The following IL1RAPL2 variants were observed in gnomAD, a reference collection of about 807,000 sequenced individuals.
IL1RAPL2 encodes the protein interleukin 1 receptor accessory protein like 2, also known as X-linked interleukin-1 receptor accessory protein-like 2.
A neutral mutation model predicts 44.1 loss-of-function variants in IL1RAPL2; 3 were observed. The observed-to-expected ratio is 0.07, with a 90% CI of 0.03 to 0.18. The LOEUF (loss-of-function observed/expected upper bound fraction) is 0.18, where lower values mean the gene tolerates loss of function less well. Among genes scored for constraint, IL1RAPL2 ranks in the 10% least tolerant of loss-of-function variants. The pLI is 1.00. For missense variants in IL1RAPL2, 391 were observed against 496.4 expected, an observed-to-expected ratio of 0.79 and a Z score of 2.02; for synonymous variants, 181 against 178.8, an observed-to-expected ratio of 1.01 and a Z score of -0.10.
chrX:105,411,874 A>C (rs1474625657), intron 5 of IL1RAPL2, among the ~76,000 whole-genome samples: 1 of 112,200 alleles, frequency 8.9e-6, no homozygotes, highest in East Asian at 2.8e-4. Context: ...TTTCACATGG[A>C]ACATCCTCCA....
intron 2 of IL1RAPL2, among the ~76,000 whole-genome samples, chrX:105,119,800 G>A (rs140883385): frequency 0.047 from 5,237 of 110,831 alleles, 127 homozygotes; most frequent in Non-Finnish European, 0.069. Flanking sequence ...ACTGTGAAAT[G>A]ACTAATGTAT....
chrX:105,246,056 G>C (rs1156409785), intron 4 of IL1RAPL2, among the ~76,000 whole-genome samples: 1 of 112,233 alleles, frequency 8.9e-6, no homozygotes, highest in Non-Finnish European at 1.9e-5. Flanking sequence ...ATACTGAACT[G>C]ACCAAAATAA....
intron 6 of IL1RAPL2, among the ~76,000 whole-genome samples, chrX:105,590,935 G>C (rs1229630328): frequency 9.2e-6 from 1 of 108,488 alleles, no homozygotes; most frequent in Non-Finnish European, 1.9e-5. Context: ...CATAGAATGA[G>C]TTAGGAGGAG....
chrX:104,902,859 A>C (rs1186060583), intron 2 of IL1RAPL2, among the ~76,000 whole-genome samples: 1 of 111,905 alleles, frequency 8.9e-6, no homozygotes, highest in Non-Finnish European at 1.9e-5. Flanking sequence ...GCATGTAAAA[A>C]ATAAAAGAAA....
At chrX:105,273,496 T>C (rs1008776551) in intron 5 of IL1RAPL2, among the ~76,000 whole-genome samples, 1 of 112,119 alleles carries the variant, frequency 8.9e-6, no homozygotes, top group African/African-American at 3.2e-5. Context: ...AAAGAAGTTA[T>C]TTGACCTACC....
intron 5 of IL1RAPL2, among the ~76,000 whole-genome samples, chrX:105,448,132 T>C (rs1248415348): frequency 9.3e-6 from 1 of 107,847 alleles, no homozygotes; most frequent in East Asian, 2.9e-4. Context: ...CCATTATATG[T>C]TATTTGCTTC....
intron 2 of IL1RAPL2, among the ~76,000 whole-genome samples, chrX:104,937,675 T>A (rs1925060758): frequency 8.9e-6 from 1 of 111,958 alleles, no homozygotes; most frequent in South Asian, 3.7e-4. Flanking sequence ...GCTGTTGCAG[T>A]CACAATAAGT....
chrX:104,871,550 C>T (rs1922763449), intron 2 of IL1RAPL2, among the ~76,000 whole-genome samples: 3 of 111,121 alleles, frequency 2.7e-5, no homozygotes, highest in African/African-American at 6.5e-5. Flanking sequence ...TTCCATTGTT[C>T]TAAAATTCTA....
rs201563823 is a variant in IL1RAPL2 at position 104,832,842 on chromosome X, C to T, written c.82+173847C>T. Among the ~76,000 whole-genome samples, 11 of 111,301 alleles carry T rather than the reference C, an allele frequency of 9.9e-5. No homozygotes were observed. The East Asian group carries it at 3.1e-3, about 31-fold the overall frequency. ...GGATTTCATTGCTTTAAAGGTATAT[C>T]TATTTATATACATGGGCTCAACATC... is the stretch of plus-strand genomic sequence containing the variant. On this transcript the variant is annotated intron_variant, in intron 2 of 10. Coordinates refer to ENST00000372582, the MANE Select transcript of IL1RAPL2 (RefSeq NM_017416.2).
chrX:105,565,323 G>A (rs891354810), intron 6 of IL1RAPL2, among the ~76,000 whole-genome samples: 1 of 111,540 alleles, frequency 9.0e-6, no homozygotes, highest in African/African-American at 3.3e-5. Context: ...ACTGGAAGTT[G>A]AATAGCAACA....
intron 5 of IL1RAPL2, among the ~76,000 whole-genome samples, chrX:105,446,122 C>T (rs919224516): frequency 9.0e-6 from 1 of 111,385 alleles, no homozygotes; most frequent in East Asian, 2.8e-4. Flanking sequence ...TGCAGAATTG[C>T]CCCCTTTATC....
intron 2 of IL1RAPL2, among the ~76,000 whole-genome samples, chrX:104,767,255 T>A (rs1479134933): frequency 8.9e-6 from 1 of 111,873 alleles, no homozygotes; most frequent in Non-Finnish European, 1.9e-5. Context: ...GTGGTTGGAG[T>A]GCCCCTGGAA....
At chrX:105,524,435 G>C (rs1348307012) in intron 6 of IL1RAPL2, among the ~76,000 whole-genome samples, 1 of 110,094 alleles carries the variant, frequency 9.1e-6, no homozygotes, top group African/African-American at 3.3e-5. Context: ...AAAAAAGCTG[G>C]GGGTGCAGTT....
chrX:105,590,849 T>TGTGTGTG (rs1569456765), intron 6 of IL1RAPL2, among the ~76,000 whole-genome samples: 39 of 80,815 alleles, frequency 4.8e-4, no homozygotes, highest in African/African-American at 2.1e-3. Context: ...GTGTGTGTGT[T>TGTGTGTG]TGTGTGTGTT....
intron 5 of IL1RAPL2, among the ~76,000 whole-genome samples, chrX:105,382,451 A>AT (rs2035440148): frequency 9.2e-6 from 1 of 108,941 alleles, no homozygotes; most frequent in Non-Finnish European, 1.9e-5. Context: ...AATGGCGATC[A>AT]TTAAAAAGTC....
intron 2 of IL1RAPL2, among the ~76,000 whole-genome samples, chrX:105,106,541 G>A (rs1442211786): frequency 9.0e-6 from 1 of 111,248 alleles, no homozygotes; most frequent in Non-Finnish European, 1.9e-5. Context: ...AGTCTACTCA[G>A]AAATATACAA....
chrX:105,644,112 C>T (rs766437258), intron 6 of IL1RAPL2, among the ~76,000 whole-genome samples: 74 of 111,178 alleles, frequency 6.7e-4, no homozygotes, highest in African/African-American at 2.4e-3. Context: ...AGGATGGTCT[C>T]GATCTCCTGA....
At chrX:105,527,573 T>A (rs936451767) in intron 6 of IL1RAPL2, among the ~76,000 whole-genome samples, 3 of 110,595 alleles carry the variant, frequency 2.7e-5, no homozygotes, top group African/African-American at 9.8e-5. Context: ...GGATATGAAA[T>A]CAATAATTGA....
At chrX:105,516,092 G>A (rs1310715396) in intron 6 of IL1RAPL2, among the ~76,000 whole-genome samples, 5 of 111,132 alleles carry the variant, frequency 4.5e-5, no homozygotes, top group African/African-American at 1.6e-4. Flanking sequence ...GAAGGAGAAG[G>A]GGATATGAAT....
Sources: gnomAD v4.1 joint callset for allele counts (sites outside exome capture counted in the v4.1 genomes callset) on GRCh38, gnomAD v4.1.1 for gene constraint, MANE v1.5 for transcripts, NCBI Gene and HGNC (gene_info 2026-07-23, HGNC 2026-07-21) for gene names.